The following ASXL3 variants were observed in gnomAD, a reference collection of about 807,000 sequenced individuals.
The protein encoded by ASXL3 is putative Polycomb group protein ASXL3.
In ASXL3, 34 loss-of-function variants were observed where a neutral mutation model predicts 170.6. That is an observed-to-expected ratio of 0.20 (90% CI 0.15 to 0.27). ASXL3 has a LOEUF of 0.27. ASXL3 is among the 10% of genes least tolerant of loss of function. ASXL3 has a pLI of 1.00. For missense variants in ASXL3, 2,592 were observed against 2,695.3 expected (o/e 0.96, Z 0.85); for synonymous variants, 1,002 against 989.1 (o/e 1.01, Z -0.24).
rs767030560 is a variant in ASXL3, at chr18:33,744,563, C to T, written c.4715C>T (p.Pro1572Leu). Residue 1572 changes from proline to leucine, a missense_variant, in exon 12 of 12, where the codon CCG (proline) becomes CTG (leucine). Physicochemically the swap from Pro to Leu is moderately conservative, Grantham distance 98. Transcript: ENST00000269197. ...CTTGTTCCAGATAAATTAAATGAGC[C>T]GACTGCTCCCAGTCATAACTTTGCT... ...LPLVPDKLNE[P>L]TAPSHNFAEQ... 110 of 1,611,074 alleles carry T rather than the reference C, an allele frequency of 6.8e-5. No homozygotes were observed. In the East Asian group the frequency reaches 1.0e-3, roughly 15 times the overall value.
At chr18:33,621,559 G>T (rs1414805175) in intron 2 of ASXL3, among the ~76,000 whole-genome samples, 1 of 152,056 alleles carries the variant, frequency 6.6e-6, no homozygotes, top group Non-Finnish European at 1.5e-5. Context: ...TAAAATTTTT[G>T]ATTCTGGTCT....
chr18:33,590,113 T>TTTTTTTTTTG (rs2065065444), intron 1 of ASXL3, among the ~76,000 whole-genome samples: 2 of 141,890 alleles, frequency 1.4e-5, no homozygotes, highest in Non-Finnish European at 1.5e-5. Flanking sequence ...CTTTCTATGT[T>TTTTTTTTTTG]TTTTTTTTTT....
chr18:33,687,881 G>C (rs1158576212), intron 8 of ASXL3, among the ~76,000 whole-genome samples: 5 of 152,140 alleles, frequency 3.3e-5, no homozygotes, highest in Admixed American at 6.5e-5. Context: ...TTAATTAGAA[G>C]ACAGAAGTTT....
rs118013831 is a variant in ASXL3 at position 33,744,768 on chromosome 18, G to A, written c.4920G>A (p.Lys1640=). 4.2e-4 allele frequency: 673 copies of A among 1,614,012 alleles called. 3 individuals carry two copies. In the East Asian group the frequency reaches 0.013, roughly 31 times the overall value. ...AATATCTAGAGCAAAGCTGTCCAAAGGCTATCAAAACTGAACATGCCAACT... is the reference window on the plus strand; with the variant it reads ...AATATCTAGAGCAAAGCTGTCCAAAAGCTATCAAAACTGAACATGCCAACT... ...QKEYLEQSCP[K]AIKTEHANYL... Residue 1640 remains lysine, a synonymous_variant, in exon 12 of 12, where the codon AAG becomes AAA. Coordinates refer to ENST00000269197, the MANE Select transcript of ASXL3 (RefSeq NM_030632.3).
intron 1 of ASXL3, among the ~76,000 whole-genome samples, chr18:33,590,284 T>C (rs772820780): frequency 1.3e-5 from 2 of 151,944 alleles, no homozygotes. Context: ...CCCCAGGCCA[T>C]ATCTCTCTCT....
rs775176196 is a variant in ASXL3 at position 33,745,180 on chromosome 18, C to T, written c.5332C>T (p.Leu1778Phe). ...RLGAKLEINR[L>F]PLPLQTTSVG... ...GGGAGCCAAGCTTGAAATCAACAGG[C>T]TTCCATTGCCTCTTCAAACTACCTC... The change falls in exon 12 of 12, where the codon CTT (leucine) becomes TTT (phenylalanine). Residue 1778 changes from leucine to phenylalanine, a missense_variant. Physicochemically the swap from Leu to Phe is conservative, Grantham distance 22. Coordinates refer to ENST00000269197, the MANE Select transcript of ASXL3 (RefSeq NM_030632.3). The T allele has an allele frequency of 1.2e-6, 2 of 1,614,040 alleles. No individual in the cohort carries two copies. Among genetic ancestry groups the T allele is most frequent in the South Asian group, 2.2e-5 (2 of 91,090 alleles).
intron 6 of ASXL3, among the ~76,000 whole-genome samples, 193 bp downstream of exon 6, chr18:33,670,983 A>G (rs1443458282): frequency 2.0e-5 from 3 of 152,216 alleles, no homozygotes; most frequent in Non-Finnish European, 4.4e-5. Context: ...AAAAGGTACC[A>G]GCTTGCTTGC....
At chr18:33,624,532 T>C (rs2065570037) in intron 2 of ASXL3, among the ~76,000 whole-genome samples, 1 of 152,132 alleles carries the variant, frequency 6.6e-6, no homozygotes, top group South Asian at 2.1e-4. Context: ...ATGATATTGA[T>C]GTAGAATTTC....
rs560904970 is a variant in ASXL3, at chr18:33,673,436, G to A, written c.715+1570G>A. ...GTTGCCTGGGCTGGAGTACAGTGGT[G>A]CCATCTCAGCTCACTGCAACCTCTG... On this transcript the variant is annotated intron_variant, in intron 7 of 11. Coordinates refer to ENST00000269197, the MANE Select transcript of ASXL3 (RefSeq NM_030632.3). Among the ~76,000 whole-genome samples the A allele has an allele frequency of 6.0e-5, 9 of 150,090 alleles. No homozygotes were observed. In the South Asian group the frequency reaches 1.3e-3, roughly 21 times the overall value.
Position 33,749,072 on chromosome 18 carries a change from C to A in ASXL3, c.*2477C>A, listed in dbSNP as rs567623692. ...AGGTCCGATTAGCATAATTTTTCTG[C>A]GCCCTTTTTTTTTTTTTTTTTGCTC... On this transcript the variant is annotated 3_prime_UTR_variant, in exon 12 of 12. Transcript: ENST00000269197. 8.4e-6 allele frequency: 1 copy of A among 118,682 alleles called. No homozygotes were observed. The highest frequency in any genetic ancestry group is 1.6e-5 in the Non-Finnish European group (1 of 62,176). 7.4% of individuals were successfully genotyped at this position (118,682 alleles called of 1,614,324 possible).
intron 2 of ASXL3, among the ~76,000 whole-genome samples, chr18:33,621,957 A>C (rs948972032): frequency 6.6e-6 from 1 of 152,160 alleles, no homozygotes; most frequent in African/African-American, 2.4e-5. Context: ...TCTATAAAAA[A>C]TAAAATGGAT....
intron 4 of ASXL3, among the ~76,000 whole-genome samples, chr18:33,658,565 T>C (rs2066119075): frequency 2.0e-5 from 3 of 152,178 alleles, no homozygotes; most frequent in African/African-American, 2.4e-5. Context: ...ACCCATTTTT[T>C]CTTTCCTGAT....
chr18:33,667,745 TTAGCACTTATATGTGAGTG>T (rs1266037433), intron 5 of ASXL3, among the ~76,000 whole-genome samples: 5 of 152,202 alleles, frequency 3.3e-5, no homozygotes, highest in Admixed American at 1.3e-4. Context: ...CATAATTTTC[TTAGCACTTATATGTGAGTG>T]AAACACTTAT....
chr18:33,683,221 C>T (rs1041677111), intron 7 of ASXL3, among the ~76,000 whole-genome samples, 184 bp from the exon 8 acceptor site: 5 of 152,156 alleles, frequency 3.3e-5, no homozygotes, highest in Non-Finnish European at 7.3e-5. Flanking sequence ...TGAAGACAGA[C>T]AGACACATAA....
In ASXL3 at chr18:33,665,384, T is replaced by A. The variant is rs4799706; in HGVS notation, c.477+3647T>A. On this transcript the variant is annotated intron_variant, in intron 5 of 11. Coordinates refer to ENST00000269197, the MANE Select transcript of ASXL3 (RefSeq NM_030632.3). ...GTGAAATTCCAAAGGTTATATTGCATGATAGTAGTTTCTGAACATGGGCAT... is the reference window on the plus strand; with the variant it reads ...GTGAAATTCCAAAGGTTATATTGCAAGATAGTAGTTTCTGAACATGGGCAT... Among the ~76,000 whole-genome samples the A allele has an allele frequency of 7.4e-3, 1,122 of 152,352 alleles. 9 individuals carry two copies. Among genetic ancestry groups the A allele is most frequent in the Non-Finnish European group, 0.012 (802 of 68,024 alleles).
intron 2 of ASXL3, chr18:33,608,905 C>A: frequency 3.2e-6 from 1 of 310,152 alleles, no homozygotes; most frequent in Non-Finnish European, 4.7e-6. Flanking sequence ...CAAGGTAGGT[C>A]CATGGACATC....
intron 2 of ASXL3, chr18:33,626,003 G>A (rs1415215959): frequency 1.3e-5 from 2 of 152,166 alleles, no homozygotes; most frequent in East Asian, 3.9e-4. Flanking sequence ...AAATTTGGCA[G>A]TAGGACTAAA....
chr18:33,740,106 A>G lies in ASXL3; in HGVS notation c.2702A>G (p.Lys901Arg). ...DNKGNELPSA[K>R]LQDKQYISSV... ...AAGGGAAATGAGCTTCCATCTGCTA[A>G]ATTACAGGACAAGCAATATATCTCA... The change falls in exon 11 of 12, where the codon AAA (lysine) becomes AGA (arginine). Residue 901 changes from lysine (K) to arginine (R), a missense_variant. By Grantham distance (26) the Lys-to-Arg change is conservative. Transcript: ENST00000269197. The G allele has an allele frequency of 6.2e-7, 1 of 1,613,970 alleles. No individual in the cohort carries two copies. The highest frequency in any genetic ancestry group is 1.1e-5 in the South Asian group (1 of 91,082).
intron 5 of ASXL3, 22 bp from the exon 6 acceptor site, chr18:33,670,651 A>G (rs1201198155): frequency 1.8e-5 from 27 of 1,474,688 alleles, no homozygotes; most frequent in Non-Finnish European, 2.5e-5. Flanking sequence ...TTTATGTTAT[A>G]TCTTTTTATT....
Sources: allele counts gnomAD v4.1 joint callset (sites outside exome capture counted in the v4.1 genomes callset), GRCh38; gene constraint gnomAD v4.1.1; transcripts MANE v1.5; gene names NCBI Gene and HGNC (gene_info 2026-07-23, HGNC 2026-07-21).